Variants in VPS13C observed in about 807,000 individuals in gnomAD.
VPS13C encodes intermembrane lipid transfer protein VPS13C.
VPS13C carries 358 observed loss-of-function variants against 456.8 expected under a neutral mutation model. That is an observed-to-expected ratio of 0.78 (90% CI 0.72 to 0.86). VPS13C has a LOEUF of 0.86. Among genes scored for constraint, VPS13C ranks in the 40% least tolerant of loss-of-function variants. The probability of loss-of-function intolerance (pLI) is 0.00; values close to 1 mark genes in which losing one functional copy is unlikely to be tolerated. For missense variants in VPS13C, 4,818 were observed against 4,385.4 expected, an observed-to-expected ratio of 1.10 and a Z score of -2.79; for synonymous variants, 1,578 against 1,486.7, an observed-to-expected ratio of 1.06 and a Z score of -1.41.
Position 61,918,266 on chromosome 15 carries a change from CAA to C in VPS13C, c.7639-11_7639-10del, listed in dbSNP as rs567226384. On this transcript the variant is annotated splice_polypyrimidine_tract_variant and intron_variant, in intron 58 of 84. Coordinates refer to ENST00000644861, the MANE Select transcript of VPS13C (RefSeq NM_020821.3). ...GAGAAATGGTTTTTGATCTGTTGGA[CAA>C]AAAAAAATACAAGTTTTTTAAAAGA... 1.1e-5 allele frequency: 16 copies of C among 1,458,012 alleles called. No individual in the cohort carries two copies. Among genetic ancestry groups the C allele is most frequent in the Admixed American group, 2.6e-5 (1 of 38,846 alleles). The allele number at this position is 1,458,012 out of a possible 1,614,324, so 90.3% of individuals were successfully genotyped here.
chr15:61,890,838 G>C (rs1034549697), intron 66 of VPS13C, among the ~76,000 whole-genome samples: 1 of 152,308 alleles, frequency 6.6e-6, no homozygotes, highest in East Asian at 1.9e-4. Context: ...TCTGAGGTCA[G>C]GAGTTCGAGA....
chr15:61,991,546 A>G (rs1471452545), intron 17 of VPS13C, 127 bp downstream of exon 17: 3 of 1,004,298 alleles, frequency 3.0e-6, no homozygotes, highest in South Asian at 2.9e-5. Context: ...ATTTGCTTAT[A>G]TATTTACTAT....
intron 66 of VPS13C, among the ~76,000 whole-genome samples, chr15:61,899,778 C>A (rs2042941049): frequency 6.6e-6 from 1 of 151,976 alleles, no homozygotes; most frequent in Non-Finnish European, 1.5e-5. Context: ...CAGCATCATT[C>A]TGATACCAAA....
Position 62,051,179 on chromosome 15 carries a change from G to A in VPS13C, c.101-6924C>T, listed in dbSNP as rs113152340. On this transcript the variant is annotated intron_variant, in intron 1 of 84. Coordinates refer to ENST00000644861, the MANE Select transcript of VPS13C (RefSeq NM_020821.3). ...TTAGGCTATAGCTTTCTTATGGTGC[G>A]TAACACTTAACTTTATATAAATCCC... 2.0e-4 allele frequency among the ~76,000 whole-genome samples: 31 copies of A among 152,236 alleles called. 2 individuals carry two copies. The highest frequency in any genetic ancestry group is 6.7e-4 in the African/African-American group (28 of 41,534).
intron 16 of VPS13C, among the ~76,000 whole-genome samples, chr15:61,998,568 A>G (rs952330155): frequency 6.6e-6 from 1 of 152,214 alleles, no homozygotes; most frequent in African/African-American, 2.4e-5. Flanking sequence ...TCATCTCACA[A>G]ATCAGGAAAC....
chr15:61,925,116 T>C (rs1414681126), intron 53 of VPS13C, among the ~76,000 whole-genome samples: 1 of 152,008 alleles, frequency 6.6e-6, no homozygotes. Context: ...AATAAAGTAA[T>C]AACAACCTCT....
At chr15:62,054,166 A>G (rs752086886) in intron 1 of VPS13C, among the ~76,000 whole-genome samples, 2 of 152,236 alleles carry the variant, frequency 1.3e-5, no homozygotes, top group Non-Finnish European at 2.9e-5. Context: ...AAACAATTAT[A>G]TCCTGGACAC....
chr15:61,912,906 C>A (rs1596323176), intron 62 of VPS13C, among the ~76,000 whole-genome samples: 1 of 150,242 alleles, frequency 6.7e-6, no homozygotes, highest in East Asian at 2.0e-4. Context: ...GGTTTTTTGT[C>A]CTTGCGATAG....
In VPS13C at chr15:61,908,883, A is replaced by G. The variant is rs1031118334; in HGVS notation, c.8978+109T>C. The G allele has an allele frequency of 1.4e-5, 19 of 1,315,944 alleles. No homozygotes were observed. In the African/African-American group the frequency reaches 2.7e-4, roughly 18 times the overall value. 81.5% of individuals were successfully genotyped at this position (1,315,944 alleles called of 1,614,324 possible). A position where few individuals can be genotyped will look rare whatever the true frequency, so the allele number is the denominator to read the frequency against. On this transcript the variant is annotated intron_variant, in intron 65 of 84. Coordinates refer to ENST00000644861, the MANE Select transcript of VPS13C (RefSeq NM_020821.3). ...ATTAAAGATAAATACCATGTGTTCC[A>G]TATCACCTTTCTAAAATCTAAAAAC...
Position 61,908,877 on chromosome 15 carries a change from T to C in VPS13C, c.8978+115A>G, listed in dbSNP as rs764682672. ...AAGGGTATTAAAGATAAATACCATG[T>C]GTTCCATATCACCTTTCTAAAATCT... On this transcript the variant is annotated intron_variant, in intron 65 of 84. Transcript: ENST00000644861. 676 of 1,212,540 alleles carry C rather than the reference T, an allele frequency of 5.6e-4. 3 individuals carry two copies. Among genetic ancestry groups the C allele is most frequent in the South Asian group, 2.1e-4 (13 of 62,976 alleles). The allele number at this position is 1,212,540 out of a possible 1,614,324, so 75.1% of individuals were successfully genotyped here. A position where few individuals can be genotyped will look rare whatever the true frequency, so the allele number is the denominator to read the frequency against.
At chr15:62,028,959 C>A (rs991653093) in intron 5 of VPS13C, among the ~76,000 whole-genome samples, 1 of 152,036 alleles carries the variant, frequency 6.6e-6, no homozygotes, top group Non-Finnish European at 1.5e-5. Context: ...CTATCCTAGA[C>A]AACACTGCAA....
intron 27 of VPS13C, among the ~76,000 whole-genome samples, chr15:61,971,436 T>A (rs935151915): frequency 5.9e-5 from 9 of 152,074 alleles, no homozygotes; most frequent in Non-Finnish European, 8.8e-5. Context: ...TAATTTTGTA[T>A]TTTTAGTAGA....
At position 61,858,653 on chromosome 15, in the gene VPS13C, G is replaced by A. The variant is rs994455993; in HGVS notation, c.10953-2244C>T. Among the ~76,000 whole-genome samples the A allele has an allele frequency of 7.2e-5, 11 of 152,178 alleles. No homozygotes were observed. Among genetic ancestry groups the A allele is most frequent in the African/African-American group, 2.7e-4 (11 of 41,450 alleles). On this transcript the variant is annotated intron_variant, in intron 82 of 84. Coordinates refer to ENST00000644861, the MANE Select transcript of VPS13C (RefSeq NM_020821.3). The surrounding 1 kb of genome is among the most constrained non-coding windows in gnomAD (Gnocchi z 4.4). ...GTGACTCTGAGCAAAAATAGTTTATGTAGGTGGGCCTGACCTAAGTTCATG... is the reference window on the plus strand; with the variant it reads ...GTGACTCTGAGCAAAAATAGTTTATATAGGTGGGCCTGACCTAAGTTCATG...
chr15:62,007,907 C>T (rs538183140), intron 14 of VPS13C, among the ~76,000 whole-genome samples: 23 of 152,038 alleles, frequency 1.5e-4, no homozygotes, highest in African/African-American at 5.5e-4. Context: ...GATTTTGAGA[C>T]CATCCTGGCC....
At chr15:61,854,655 C>G in intron 84 of VPS13C, 97 bp from the exon 85 acceptor site, 2 of 1,275,472 alleles carry the variant, frequency 1.6e-6, no homozygotes. Flanking sequence ...GCTCTCCAAA[C>G]AGGACCAACA....
At chr15:62,005,501 C>G (rs1329263392) in intron 15 of VPS13C, among the ~76,000 whole-genome samples, 3 of 151,862 alleles carry the variant, frequency 2.0e-5, no homozygotes, top group African/African-American at 7.3e-5. Context: ...TTAATTGGAG[C>G]ATTTAGTCCA....
At chr15:61,978,123 T>C (rs1012922645) in intron 23 of VPS13C, among the ~76,000 whole-genome samples, 1 of 152,068 alleles carries the variant, frequency 6.6e-6, no homozygotes, top group Admixed American at 6.6e-5. Flanking sequence ...ATTAAGTTAA[T>C]TATCTTTAAT....
intron 66 of VPS13C, among the ~76,000 whole-genome samples, chr15:61,895,281 C>T (rs886590712): frequency 6.6e-6 from 1 of 151,844 alleles, no homozygotes; most frequent in African/African-American, 2.4e-5. Context: ...AAATAAACAA[C>T]CTAACAGTAT....
rs567341205 is a variant in VPS13C at position 61,858,693 on chromosome 15, G to A, written c.10953-2284C>T. 1.7e-4 allele frequency among the ~76,000 whole-genome samples: 26 copies of A among 152,260 alleles called. No homozygotes were observed. Among genetic ancestry groups the A allele is most frequent in the East Asian group, 7.7e-4 (4 of 5,180 alleles). Reference sequence around the variant, plus strand: ...CTAAGTTCATGGACTATAAATCTGCGTAAGAGACCAAGAAGTCAGAGATTC... The same window carrying A: ...CTAAGTTCATGGACTATAAATCTGCATAAGAGACCAAGAAGTCAGAGATTC... On this transcript the variant is annotated intron_variant, in intron 82 of 84. Coordinates refer to ENST00000644861, the MANE Select transcript of VPS13C (RefSeq NM_020821.3). This position sits in a 1 kb window ranked among gnomAD's most constrained non-coding sequence, Gnocchi z 4.4.
Sources: gnomAD v4.1 joint callset for allele counts (sites outside exome capture counted in the v4.1 genomes callset) on GRCh38, gnomAD v4.1.1 for gene constraint, Gnocchi (gnomAD v3.1) non-coding constraint, MANE v1.5 for transcripts, NCBI Gene and HGNC (gene_info 2026-07-23, HGNC 2026-07-21) for gene names.